Variants in CACNA2D3 observed in about 807,000 individuals in gnomAD.
CACNA2D3 encodes the protein calcium voltage-gated channel auxiliary subunit alpha2delta 3, also known as voltage-dependent calcium channel subunit alpha-2/delta-3.
CACNA2D3 carries 60 observed loss-of-function variants against 160.6 expected under a neutral mutation model. The observed-to-expected ratio is 0.37, with a 90% CI of 0.30 to 0.46. The LOEUF (loss-of-function observed/expected upper bound fraction) is 0.46, where lower values mean the gene tolerates loss of function less well. Among genes scored for constraint, CACNA2D3 ranks in the 20% least tolerant of loss-of-function variants. The pLI, the probability that CACNA2D3 is intolerant of heterozygous loss-of-function variation, is 1.00. For missense variants in CACNA2D3, 1,205 were observed against 1,365.0 expected, an observed-to-expected ratio of 0.88 and a Z score of 1.85; for synonymous variants, 558 against 492.9, an observed-to-expected ratio of 1.13 and a Z score of -1.75.
At chr3:54,400,862 C>T (rs940676574) in intron 4 of CACNA2D3, among the ~76,000 whole-genome samples, 1 of 151,864 alleles carries the variant, frequency 6.6e-6, no homozygotes, top group Non-Finnish European at 1.5e-5. Flanking sequence ...AGGACATTGC[C>T]AAAGTAACAC....
chr3:54,289,728 G>T (rs1035261388), intron 2 of CACNA2D3, among the ~76,000 whole-genome samples: 2 of 152,124 alleles, frequency 1.3e-5, no homozygotes, highest in African/African-American at 4.8e-5. Flanking sequence ...CAATGGAACA[G>T]AACAGAGCCC....
chr3:54,764,860 TTGAACTC>T (rs1702188494), intron 13 of CACNA2D3, among the ~76,000 whole-genome samples: 1 of 152,208 alleles, frequency 6.6e-6, no homozygotes, highest in Non-Finnish European at 1.5e-5. Flanking sequence ...GGATTGTTGT[TTGAACTC>T]TGACCATGGG....
intron 11 of CACNA2D3, among the ~76,000 whole-genome samples, chr3:54,709,849 C>A (rs1275010514): frequency 6.6e-6 from 1 of 152,144 alleles, no homozygotes; most frequent in Non-Finnish European, 1.5e-5. Context: ...TTACTTGATC[C>A]TAGGAGTTTG....
chr3:54,948,939 T>C (rs1205251289), intron 27 of CACNA2D3, among the ~76,000 whole-genome samples: 1 of 152,212 alleles, frequency 6.6e-6, no homozygotes, highest in African/African-American at 2.4e-5. Context: ...CATTGTTTCA[T>C]GTAACTAAAA....
chr3:54,700,730 C>G (rs534519895), intron 11 of CACNA2D3, among the ~76,000 whole-genome samples: 1 of 152,262 alleles, frequency 6.6e-6, no homozygotes, highest in Admixed American at 6.5e-5. Context: ...ATTTAGTTGA[C>G]TTTATCCTAT....
chr3:54,857,630 T>C (rs947724584), intron 17 of CACNA2D3, among the ~76,000 whole-genome samples: 6 of 152,198 alleles, frequency 3.9e-5, no homozygotes, highest in African/African-American at 1.4e-4. Flanking sequence ...TGCGGGTATT[T>C]CCTGGGAATC....
At chr3:54,802,148 G>T (rs540584993) in intron 13 of CACNA2D3, among the ~76,000 whole-genome samples, 5 of 152,042 alleles carry the variant, frequency 3.3e-5, no homozygotes, top group Non-Finnish European at 5.9e-5. Context: ...CACCATAATA[G>T]CAAGGGGTTA....
At chr3:54,425,103 G>T (rs6773250) in intron 4 of CACNA2D3, among the ~76,000 whole-genome samples, 31 of 152,326 alleles carry the variant, frequency 2.0e-4, no homozygotes, top group African/African-American at 6.5e-4. Context: ...GCTGAGGCAG[G>T]TGTATCGCCT....
intron 11 of CACNA2D3, among the ~76,000 whole-genome samples, chr3:54,687,695 G>T (rs1443200557): frequency 6.6e-6 from 1 of 152,148 alleles, no homozygotes; most frequent in Non-Finnish European, 1.5e-5. Flanking sequence ...TGTGTTTGCA[G>T]GAATCATGGA....
intron 6 of CACNA2D3, among the ~76,000 whole-genome samples, chr3:54,563,728 C>G (rs1702364413): frequency 6.6e-6 from 1 of 152,196 alleles, no homozygotes; most frequent in Admixed American, 6.5e-5. Flanking sequence ...AAAAACCCCA[C>G]CCTGCATAAT....
At chr3:54,159,220 AG>A (rs1700297874) in intron 2 of CACNA2D3, among the ~76,000 whole-genome samples, 1 of 152,218 alleles carries the variant, frequency 6.6e-6, no homozygotes, top group South Asian at 2.1e-4. Flanking sequence ...AATAAGTTTA[AG>A]AAAAAAAATC....
chr3:54,413,744 A>G (rs935909751), intron 4 of CACNA2D3, among the ~76,000 whole-genome samples: 5 of 150,970 alleles, frequency 3.3e-5, no homozygotes, highest in South Asian at 2.1e-4. Context: ...ATTTTCATTA[A>G]ATCTTTTTTT....
At chr3:54,375,973 T>C (rs75548665) in intron 3 of CACNA2D3, among the ~76,000 whole-genome samples, 5 of 152,192 alleles carry the variant, frequency 3.3e-5, no homozygotes, top group Non-Finnish European at 5.9e-5. Context: ...TTAAAGCAAG[T>C]GGTCTCTCTG....
intron 11 of CACNA2D3, among the ~76,000 whole-genome samples, chr3:54,716,049 AATC>A (rs147345699): frequency 0.082 from 12,423 of 152,246 alleles, 753 homozygotes; most frequent in African/African-American, 0.18. Context: ...ATGTATATCA[AATC>A]ATCACATTGC....
At chr3:54,605,240 A>T (rs1363587977) in intron 9 of CACNA2D3, among the ~76,000 whole-genome samples, 2 of 152,214 alleles carry the variant, frequency 1.3e-5, no homozygotes, top group South Asian at 4.1e-4. Context: ...TTACATCTGC[A>T]GCAACCCTTC....
chr3:54,924,579 G>A, intron 27 of CACNA2D3: 1 of 1,480,606 alleles, frequency 6.8e-7, no homozygotes, highest in African/African-American at 1.4e-5. Flanking sequence ...TCCTAGGCTG[G>A]TAACACACAG....
At chr3:54,315,330 C>T (rs1321017664) in intron 2 of CACNA2D3, among the ~76,000 whole-genome samples, 1 of 152,232 alleles carries the variant, frequency 6.6e-6, no homozygotes, top group Non-Finnish European at 1.5e-5. Flanking sequence ...AATCAACTCT[C>T]GTGACTTCAC....
At chr3:54,752,445 G>A (rs964931757) in intron 11 of CACNA2D3, among the ~76,000 whole-genome samples, 154 bp from the exon 12 acceptor site, 2 of 152,174 alleles carry the variant, frequency 1.3e-5, no homozygotes, top group African/African-American at 4.8e-5. Flanking sequence ...TACATTTCTA[G>A]CTGACTATAC....
chr3:54,376,056 A>C (rs1484218596), intron 3 of CACNA2D3, among the ~76,000 whole-genome samples: 1 of 152,140 alleles, frequency 6.6e-6, no homozygotes, highest in Non-Finnish European at 1.5e-5. Flanking sequence ...TTAAAGGTGA[A>C]TTAAAGTTCA....
Sources: gnomAD v4.1 joint callset for allele counts (sites outside exome capture counted in the v4.1 genomes callset) on GRCh38, gnomAD v4.1.1 for gene constraint, MANE v1.5 for transcripts, NCBI Gene and HGNC (gene_info 2026-07-23, HGNC 2026-07-21) for gene names.